DDX27: variants seen among roughly 807,000 people sequenced by gnomAD.
The protein encoded by DDX27 is DEAD-box helicase 27.
In DDX27, 42 loss-of-function variants were observed where a neutral mutation model predicts 99.3. The ratio of observed to expected loss-of-function variants is 0.42; its 90% confidence interval spans 0.33 to 0.55. The LOEUF (loss-of-function observed/expected upper bound fraction) is 0.55. Among genes scored for constraint, DDX27 ranks in the 20% least tolerant of loss-of-function variants. The probability of loss-of-function intolerance (pLI) is 0.07; values close to 1 mark genes in which losing one functional copy is unlikely to be tolerated. For missense variants in DDX27, 798 were observed against 976.8 expected (o/e 0.82, Z 2.44); for synonymous variants, 329 against 353.8 (o/e 0.93, Z 0.79).
chr20:49,227,944 G>A (rs1025979643), intron 7 of DDX27, among the ~76,000 whole-genome samples: 13 of 150,040 alleles, frequency 8.7e-5, no homozygotes, highest in Non-Finnish European at 1.5e-4. Flanking sequence ...GGGTTCAAGC[G>A]ATTCTCCTGC....
Position 49,242,201 on chromosome 20 carries a change from G to C in DDX27, c.2111G>C (p.Gly704Ala), listed in dbSNP as rs1339697561. 6.2e-7 allele frequency: 1 copy of C among 1,614,136 alleles called. No homozygotes were observed. Among genetic ancestry groups the C allele is most frequent in the Non-Finnish European group, 8.5e-7 (1 of 1,179,990 alleles). The part of the protein sequence containing the change: ...RAMPEEEPVR[G>A]PAKKQKQGKK... ...ATGCCCGAGGAGGAGCCAGTGAGAG[G>C]TCCTGGTAGGTGAATGGGGAGCCCA... Residue 704 changes from glycine to alanine, a missense_variant, in exon 18 of 21, where the codon GGT (glycine) becomes GCT (alanine). Physicochemically the swap from Gly to Ala is moderately conservative, Grantham distance 60. Coordinates refer to ENST00000618172, the MANE Select transcript of DDX27 (RefSeq NM_017895.8).
chr20:49,221,480 A>T lies in DDX27; in HGVS notation c.122A>T (p.Lys41Ile). Residue 41 changes from lysine to isoleucine, a missense_variant, in exon 2 of 21, where the codon AAA becomes ATA. By Grantham distance (102) the Lys-to-Ile change is moderately radical (BLOSUM62 -3). This residue lies in a region of DDX27 where 245 missense variants were observed against 248.8 expected (regional missense o/e 0.98). Coordinates refer to ENST00000618172, the MANE Select transcript of DDX27 (RefSeq NM_017895.8). ...CCCATTGTGCTGGGCAGACGACAAAAAGCTTTGGGGAAGAACCGCAGTGCT... is the reference window on the plus strand; with the variant it reads ...CCCATTGTGCTGGGCAGACGACAAATAGCTTTGGGGAAGAACCGCAGTGCT... ...EGPIVLGRRQ[K>I]ALGKNRSADF... The T allele has an allele frequency of 6.2e-7, 1 of 1,613,616 alleles. No homozygotes were observed. Among genetic ancestry groups the T allele is most frequent in the Non-Finnish European group, 8.5e-7 (1 of 1,179,992 alleles).
chr20:49,228,872 C>T lies in DDX27; in HGVS notation c.864C>T (p.Thr288=). ...TRQLAQFCNI[T]TCLAVGGLDV... is the part of the protein sequence containing the mutation. ...AGCTGGCCCAGTTCTGCAACATCAC[C>T]ACCTGCCTGGCTGTGGGTGAGTTTC... The change falls in exon 8 of 21, where the codon ACC becomes ACT. Residue 288 remains threonine, a synonymous_variant. Coordinates refer to ENST00000618172, the MANE Select transcript of DDX27 (RefSeq NM_017895.8). 6.3e-7 allele frequency: 1 copy of T among 1,597,342 alleles called. No individual in the cohort carries two copies. Among genetic ancestry groups the T allele is most frequent in the Non-Finnish European group, 8.6e-7 (1 of 1,168,048 alleles).
chr20:49,228,485 C>G (rs1372579845), intron 7 of DDX27, among the ~76,000 whole-genome samples: 7 of 152,142 alleles, frequency 4.6e-5, no homozygotes, highest in Admixed American at 3.9e-4. Context: ...GTTGGCCAGG[C>G]TGGTCTTGAA....
rs201294114 is a variant in DDX27 at position 49,239,268 on chromosome 20, G to C, written c.1827G>C (p.Gly609=). Residue 609 remains glycine (G), a synonymous_variant, in exon 16 of 21, where the codon GGG becomes GGC. Coordinates refer to ENST00000618172, the MANE Select transcript of DDX27 (RefSeq NM_017895.8). ...INTAKRLLEK[G]KEAVVQEPER... is the part of the protein sequence containing the mutation. ...CAGCAAAGCGGCTCCTGGAGAAGGG[G>C]AAGGAGGCAGTGGTCCAAGAGCCCG... The C allele has an allele frequency of 2.5e-6, 4 of 1,614,136 alleles. No individual in the cohort carries two copies. The East Asian group carries it at 8.9e-5, about 36-fold the overall frequency.
chr20:49,240,720 C>T (rs1219181822), intron 16 of DDX27, among the ~76,000 whole-genome samples: 1 of 152,116 alleles, frequency 6.6e-6, no homozygotes, highest in East Asian at 1.9e-4. Flanking sequence ...AGCCACTGCA[C>T]TCGGCCCCCT....
chr20:49,243,587 T>C lies in DDX27; in HGVS notation c.2205-42T>C, dbSNP rs772582085. 7 of 1,590,148 alleles carry C rather than the reference T, an allele frequency of 4.4e-6. No individual in the cohort carries two copies. The South Asian group carries it at 6.6e-5, about 15-fold the overall frequency. On this transcript the variant is annotated intron_variant, in intron 19 of 20. Coordinates refer to ENST00000618172, the MANE Select transcript of DDX27 (RefSeq NM_017895.8). ...GTGGGGGTGAGACAACACCCATTTGTTCAACAGTTTGCTCATTTCAGCATG... is the reference window on the plus strand; with the variant it reads ...GTGGGGGTGAGACAACACCCATTTGCTCAACAGTTTGCTCATTTCAGCATG...
chr20:49,227,838 A>ATTT (rs35354294), intron 7 of DDX27, among the ~76,000 whole-genome samples: 4 of 125,818 alleles, frequency 3.2e-5, no homozygotes, highest in African/African-American at 5.9e-5. Flanking sequence ...AGAGGAGGAA[A>ATTT]TTTTTTTTTT....
intron 9 of DDX27, among the ~76,000 whole-genome samples, chr20:49,231,829 C>T (rs1214392934): frequency 2.0e-5 from 3 of 151,930 alleles, no homozygotes; most frequent in Middle Eastern, 3.5e-3. Context: ...AATCCAGTTA[C>T]TGAGAAATAA....
At chr20:49,242,458 G>A in intron 18 of DDX27, 136 bp from the exon 19 acceptor site, 1 of 1,050,130 alleles carries the variant, frequency 9.5e-7, no homozygotes. Context: ...ACTTGGAGGA[G>A]CTGGTGAGGA....
chr20:49,239,206 A>G, intron 15 of DDX27, 30 bp from the exon 16 acceptor site: 2 of 1,606,990 alleles, frequency 1.2e-6, no homozygotes, highest in Non-Finnish European at 8.5e-7. Context: ...TACGGGTTTC[A>G]CGGCAGGCAT....
At chr20:49,223,126 C>T (rs1012955303) in intron 3 of DDX27, 110 bp downstream of exon 3, 18 of 1,347,202 alleles carry the variant, frequency 1.3e-5, no homozygotes, top group African/African-American at 2.9e-5. Flanking sequence ...CTGGGGCAGG[C>T]GCACTCTTCT....
intron 7 of DDX27, 64 bp from the exon 8 acceptor site, chr20:49,228,651 G>T: frequency 6.9e-7 from 1 of 1,440,266 alleles, no homozygotes; most frequent in South Asian, 1.4e-5. Context: ...GTGCTCTGGT[G>T]AAAACCTAAC....
chr20:49,230,596 G>A (rs902538972), intron 9 of DDX27, among the ~76,000 whole-genome samples: 3 of 152,188 alleles, frequency 2.0e-5, no homozygotes, highest in African/African-American at 7.2e-5. Context: ...ACTTCCTAAG[G>A]GAGATTTGGA....
intron 15 of DDX27, 37 bp from the exon 16 acceptor site, chr20:49,239,199 G>A (rs763856681): frequency 1.0e-5 from 16 of 1,598,668 alleles, no homozygotes; most frequent in Middle Eastern, 1.7e-4. Context: ...TAGTAGATAC[G>A]GGTTTCACGG....
chr20:49,236,481 C>A lies in DDX27; in HGVS notation c.1658C>A (p.Ala553Asp). The change falls in exon 14 of 21, where the codon GCC becomes GAC. Residue 553 changes from alanine to aspartate, a missense_variant. By Grantham distance (126) the Ala-to-Asp change is moderately radical. Coordinates refer to ENST00000618172, the MANE Select transcript of DDX27 (RefSeq NM_017895.8). The surrounding 1 kb of genome is among the most constrained non-coding windows in gnomAD (Gnocchi z 4.1). Reference sequence around the variant, plus strand: ...AAGGAGATTGTAAAAGCTGCCAAGGCCCCTGTGAAGGCCAGGATACTTCCC... The same window carrying A: ...AAGGAGATTGTAAAAGCTGCCAAGGACCCTGTGAAGGCCAGGATACTTCCC... Reference protein sequence around the residue: ...MLKEIVKAAKAPVKARILPQD... With the variant: ...MLKEIVKAAKDPVKARILPQD... 6.2e-7 allele frequency: 1 copy of A among 1,607,336 alleles called. No homozygotes were observed. Among genetic ancestry groups the A allele is most frequent in the Non-Finnish European group, 8.5e-7 (1 of 1,176,810 alleles).
intron 7 of DDX27, among the ~76,000 whole-genome samples, chr20:49,226,857 CTTTTTTTTTTT>C (rs36048579): frequency 4.7e-5 from 3 of 63,460 alleles, no homozygotes; most frequent in Non-Finnish European, 8.3e-5. Flanking sequence ...GAGTAAAGGA[CTTTTTTTTTTT>C]TTTTTTTTTT....
intron 1 of DDX27, among the ~76,000 whole-genome samples, chr20:49,219,874 T>A: frequency 6.6e-6 from 1 of 152,132 alleles, no homozygotes; most frequent in East Asian, 1.9e-4. Flanking sequence ...CAAGGAGCCA[T>A]GGTTAGCTGT....
In DDX27 at chr20:49,226,739, C is replaced by T. The variant is rs966246812; in HGVS notation, c.706+204C>T. 4.0e-5 allele frequency among the ~76,000 whole-genome samples: 6 copies of T among 151,556 alleles called. 1 individual carries two copies. In the East Asian group the frequency reaches 5.8e-4, roughly 15 times the overall value. ...ATTCCTAGGTTCAGGTTCAAGCGATCGATTTTCCCATCTTGGCCTCCCAAA... is the reference window on the plus strand; with the variant it reads ...ATTCCTAGGTTCAGGTTCAAGCGATTGATTTTCCCATCTTGGCCTCCCAAA... On this transcript the variant is annotated intron_variant, in intron 7 of 20. Coordinates refer to ENST00000618172, the MANE Select transcript of DDX27 (RefSeq NM_017895.8).
Sources: allele counts gnomAD v4.1 joint callset (sites outside exome capture counted in the v4.1 genomes callset), GRCh38; gene constraint gnomAD v4.1.1; regional missense constraint gnomAD v4.1.1; non-coding constraint Gnocchi (gnomAD v3.1); transcripts MANE v1.5; gene names NCBI Gene and HGNC (gene_info 2026-07-23, HGNC 2026-07-21).